RASEF: variants seen among roughly 807,000 people sequenced by gnomAD.
RASEF encodes the protein RAS and EF-hand domain containing.
RASEF carries 68 observed loss-of-function variants against 90.1 expected under a neutral mutation model. The observed-to-expected ratio is 0.75, with a 90% CI of 0.62 to 0.92. The LOEUF (loss-of-function observed/expected upper bound fraction) is 0.92. Among genes scored for constraint, RASEF ranks in the 40% least tolerant of loss-of-function variants. The pLI is 0.00. For synonymous variants in RASEF, 331 were observed against 345.2 expected (o/e 0.96, Z 0.46); for missense variants, 949 against 937.2 (o/e 1.01, Z -0.16).
At chr9:82,985,661 C>T (rs73467529) in intron 16 of RASEF, among the ~76,000 whole-genome samples, 4,355 of 152,106 alleles carry the variant, frequency 0.029, 105 homozygotes, top group South Asian at 0.077. Flanking sequence ...TTGGAGAAAC[C>T]CTGAGGCAGA....
At chr9:82,994,008 T>A (rs1398196277) in intron 14 of RASEF, among the ~76,000 whole-genome samples, 1 of 152,174 alleles carries the variant, frequency 6.6e-6, no homozygotes, top group Non-Finnish European at 1.5e-5. Flanking sequence ...GCAGCCCTGA[T>A]GAAAACATGT....
chr9:83,048,800 T>C lies in RASEF; in HGVS notation c.431+13637A>G, dbSNP rs1038606919. ...GAGGATTTCAAGTCCCATTAGAATATTTCTCATACTTGATTAACATGTAGA... is the reference window on the plus strand; with the variant it reads ...GAGGATTTCAAGTCCCATTAGAATACTTCTCATACTTGATTAACATGTAGA... On this transcript the variant is annotated intron_variant, in intron 1 of 16. Coordinates refer to ENST00000376447, the MANE Select transcript of RASEF (RefSeq NM_152573.4). The C allele has an allele frequency of 6.2e-6, 6 of 960,468 alleles. No homozygotes were observed. In the African/African-American group the frequency reaches 1.1e-4, roughly 17 times the overall value. The allele number at this position is 960,468 out of a possible 1,614,324, so 59.5% of individuals were successfully genotyped here. A position where few individuals can be genotyped will look rare whatever the true frequency, so the allele number is the denominator to read the frequency against.
intron 9 of RASEF, among the ~76,000 whole-genome samples, chr9:83,003,945 AAAGG>A (rs1829083134): frequency 6.6e-6 from 1 of 152,230 alleles, no homozygotes. Context: ...TCAAGTAATA[AAAGG>A]CCTAATATTT....
intron 1 of RASEF, among the ~76,000 whole-genome samples, chr9:83,058,418 G>A (rs1198471065): frequency 7.4e-5 from 11 of 147,718 alleles, no homozygotes; most frequent in Admixed American, 6.6e-5. Flanking sequence ...TCCTGACCTC[G>A]TGATCCGCCC....
chr9:83,191,691 T>A, the RASEF span, among the ~76,000 whole-genome samples: 1 of 152,202 alleles, frequency 6.6e-6, no homozygotes, highest in African/African-American at 2.4e-5. Flanking sequence ...ACCATTTTTT[T>A]GGTTTGAGGG....
intron 1 of RASEF, among the ~76,000 whole-genome samples, chr9:83,043,399 G>T (rs546581892): frequency 1.3e-4 from 19 of 142,956 alleles, no homozygotes; most frequent in African/African-American, 5.0e-4. Context: ...GCAGTGATTG[G>T]GGGGGGGGAC....
chr9:83,038,231 C>G (rs1321022198), intron 1 of RASEF, among the ~76,000 whole-genome samples: 1 of 152,056 alleles, frequency 6.6e-6, no homozygotes. Context: ...GACATAGAAC[C>G]TGTGACAATC....
chr9:83,201,378 G>C, the RASEF span: 3 of 152,194 alleles, frequency 2.0e-5, no homozygotes. Context: ...AAATAATTTT[G>C]AATTATGCCT....
the RASEF span, among the ~76,000 whole-genome samples, chr9:83,145,278 G>A: frequency 6.6e-6 from 1 of 152,138 alleles, no homozygotes; most frequent in Non-Finnish European, 1.5e-5. Flanking sequence ...GAGTGGAGTT[G>A]TACCATGACA....
At chr9:82,988,642 G>C (rs1348517591) in intron 16 of RASEF, among the ~76,000 whole-genome samples, 1 of 152,016 alleles carries the variant, frequency 6.6e-6, no homozygotes, top group Non-Finnish European at 1.5e-5. Context: ...GTTCACAGGA[G>C]ATCTGGTTGT....
the RASEF span, among the ~76,000 whole-genome samples, chr9:83,164,415 A>G: frequency 6.8e-6 from 1 of 146,448 alleles, no homozygotes; most frequent in Non-Finnish European, 1.5e-5. Context: ...GATATAAGGG[A>G]TGGGAGGGAG....
chr9:82,990,008 C>T (rs889863626), intron 16 of RASEF, among the ~76,000 whole-genome samples: 3 of 152,182 alleles, frequency 2.0e-5, no homozygotes, highest in Admixed American at 1.3e-4. Flanking sequence ...ACTGGCATAA[C>T]ATACAAATTG....
At chr9:83,217,455 C>T in the RASEF span, among the ~76,000 whole-genome samples, 1 of 152,132 alleles carries the variant, frequency 6.6e-6, no homozygotes, top group Non-Finnish European at 1.5e-5. Flanking sequence ...AATTATAGCT[C>T]CCATAATCCC....
chr9:83,084,412 A>C, the RASEF span, among the ~76,000 whole-genome samples: 4 of 152,282 alleles, frequency 2.6e-5, no homozygotes, highest in East Asian at 7.7e-4. Flanking sequence ...CAAGTTGTAA[A>C]AAGCAGGCAG....
the RASEF span, among the ~76,000 whole-genome samples, chr9:83,181,048 C>A: frequency 6.6e-6 from 1 of 150,758 alleles, no homozygotes; most frequent in South Asian, 2.1e-4. Flanking sequence ...TACTTTTTGT[C>A]TCATTTTAAT....
rs201965816 is a variant in RASEF, at chr9:83,047,432, A to T, written c.431+15005T>A. ...CAATACTACAATACCAGAAAATATG[A>T]CCTCTTATAACTAAATTCCCTTATT... On this transcript the variant is annotated intron_variant, in intron 1 of 16. Transcript: ENST00000376447. Among the ~76,000 whole-genome samples, 8 of 152,130 alleles carry T rather than the reference A, an allele frequency of 5.3e-5. No individual in the cohort carries two copies. In the East Asian group the frequency reaches 1.5e-3, roughly 29 times the overall value.
At chr9:83,202,123 A>AG in the RASEF span, 1 of 30,288 alleles carries the variant, frequency 3.3e-5, no homozygotes, top group Admixed American at 3.2e-4. Context: ...CTTCCTGTCC[A>AG]AAAAAAAAAG....
chr9:83,069,544 A>G, the RASEF span, among the ~76,000 whole-genome samples: 1 of 152,166 alleles, frequency 6.6e-6, no homozygotes, highest in African/African-American at 2.4e-5. Context: ...TATACCACAG[A>G]GTGTGCATCC....
At chr9:83,120,367 C>T in the RASEF span, among the ~76,000 whole-genome samples, 1 of 152,118 alleles carries the variant, frequency 6.6e-6, no homozygotes, top group South Asian at 2.1e-4. Flanking sequence ...GAAATATAGT[C>T]AGTTGCTTTG....
Sources: allele counts gnomAD v4.1 joint callset (sites outside exome capture counted in the v4.1 genomes callset), GRCh38; gene constraint gnomAD v4.1.1; transcripts MANE v1.5; gene names NCBI Gene and HGNC (gene_info 2026-07-23, HGNC 2026-07-21).